TBC1D8: variants seen among roughly 807,000 people sequenced by gnomAD.
The protein encoded by TBC1D8 is BUB2-like protein 1.
Under a neutral mutation model 118.8 loss-of-function variants are expected in TBC1D8, and 65 were observed. The ratio of observed to expected loss-of-function variants is 0.55; its 90% CI spans 0.45 to 0.67. The LOEUF (loss-of-function observed/expected upper bound fraction) is 0.67. Among genes scored for constraint, TBC1D8 ranks in the 30% least tolerant of loss-of-function variants. The pLI is 0.00. For synonymous variants in TBC1D8, 566 were observed against 595.8 expected (o/e 0.95, Z 0.73); for missense variants, 1,376 against 1,471.2 (o/e 0.94, Z 1.06).
In TBC1D8 at chr2:101,057,624, G is replaced by A. The variant is rs560655388; in HGVS notation, c.402+1797C>T. 7.2e-5 allele frequency among the ~76,000 whole-genome samples: 11 copies of A among 152,264 alleles called. No homozygotes were observed. In the East Asian group the frequency reaches 9.7e-4, roughly 13 times the overall value. ...GAGGATTGCTTGAGCCCAGGAGTTC[G>A]ATCAGCTTGGGCAACATAATGAGAC... is the stretch of plus-strand genomic sequence containing the variant. On this transcript the variant is annotated intron_variant, in intron 3 of 19. Coordinates refer to ENST00000409318, the MANE Select transcript of TBC1D8 (RefSeq NM_001330348.2).
At chr2:101,110,979 G>A (rs1677550413) in intron 1 of TBC1D8, among the ~76,000 whole-genome samples, 3 of 60,942 alleles carry the variant, frequency 4.9e-5, no homozygotes, top group East Asian at 4.7e-4. Flanking sequence ...AAACTCCATC[G>A]CAAAAAAAAA....
intron 2 of TBC1D8, among the ~76,000 whole-genome samples, chr2:101,063,713 G>T (rs10496351): frequency 0.085 from 12,940 of 151,964 alleles, 1,562 homozygotes; most frequent in African/African-American, 0.27. Context: ...CTACACTACA[G>T]CAGTTTTTCA....
chr2:101,031,385 C>A (rs1680661092), intron 11 of TBC1D8, among the ~76,000 whole-genome samples: 1 of 152,322 alleles, frequency 6.6e-6, no homozygotes, highest in South Asian at 2.1e-4. Flanking sequence ...TTCCTAGAGG[C>A]CACCCTTCAG....
At chr2:101,042,445 C>T (rs2105402360) in intron 5 of TBC1D8, among the ~76,000 whole-genome samples, 1 of 152,234 alleles carries the variant, frequency 6.6e-6, no homozygotes, top group African/African-American at 2.4e-5. Context: ...TGCTTATGTA[C>T]TCTGTAACCC....
intron 5 of TBC1D8, among the ~76,000 whole-genome samples, chr2:101,043,231 C>G (rs1194457470): frequency 1.3e-5 from 2 of 152,178 alleles, no homozygotes; most frequent in Non-Finnish European, 2.9e-5. Context: ...CAGAGAGGAG[C>G]TGGGAGAACA....
chr2:101,007,239 AG>A lies in TBC1D8; in HGVS notation c.*581del, dbSNP rs1678788590. On this transcript the variant is annotated 3_prime_UTR_variant, in exon 20 of 20. Transcript: ENST00000409318. ...AGAAAAGGACCAAGTAAATACAAAAAGTTTCTTATTAAAAAACTTGGAAGCC... is the reference window on the plus strand; with the variant it reads ...AGAAAAGGACCAAGTAAATACAAAAATTTCTTATTAAAAAACTTGGAAGCC... 1 of 152,266 alleles carries A rather than the reference AG, an allele frequency of 6.6e-6. No individual in the cohort carries two copies. Among genetic ancestry groups the A allele is most frequent in the Admixed American group, 6.5e-5 (1 of 15,304 alleles). The allele number at this position is 152,266 out of a possible 1,614,324, so 9.4% of individuals were successfully genotyped here.
intron 1 of TBC1D8, among the ~76,000 whole-genome samples, chr2:101,149,291 C>A (rs1679448481): frequency 6.6e-6 from 1 of 152,154 alleles, no homozygotes; most frequent in South Asian, 2.1e-4. Context: ...GGAGGGAATT[C>A]ACTGAGTTCA....
At chr2:101,044,121 T>C (rs1330566552) in intron 5 of TBC1D8, among the ~76,000 whole-genome samples, 1 of 152,202 alleles carries the variant, frequency 6.6e-6, no homozygotes, top group African/African-American at 2.4e-5. Context: ...TCACTTTCCC[T>C]GTAGACATCT....
In TBC1D8 at chr2:101,007,243, T is replaced by G. The variant is rs1315606910; in HGVS notation, c.*578A>C. 6.6e-6 allele frequency: 1 copy of G among 152,326 alleles called. No individual in the cohort carries two copies. Among genetic ancestry groups the G allele is most frequent in the Non-Finnish European group, 1.5e-5 (1 of 68,154 alleles). The allele number at this position is 152,326 out of a possible 1,614,324, so 9.4% of individuals were successfully genotyped here. ...AAGGACCAAGTAAATACAAAAAGTT[T>G]CTTATTAAAAAACTTGGAAGCCAAC... On this transcript the variant is annotated 3_prime_UTR_variant, in exon 20 of 20. Coordinates refer to ENST00000409318, the MANE Select transcript of TBC1D8 (RefSeq NM_001330348.2).
chr2:101,025,393 A>AT (rs1391480072), intron 15 of TBC1D8, among the ~76,000 whole-genome samples: 42 of 152,068 alleles, frequency 2.8e-4, no homozygotes, highest in African/African-American at 8.0e-4. Flanking sequence ...CGCCCAGCTA[A>AT]TTTTTGTATT....
In TBC1D8 at chr2:101,033,842, C is replaced by T; in HGVS notation, c.1604-84G>A. ...AGAAGATGCTGGTCCCATCAGGGGA[C>T]CCCAGTGGGGTCTCGTTACTTACTG... is the stretch of plus-strand genomic sequence containing the variant. On this transcript the variant is annotated intron_variant, in intron 9 of 19. Coordinates refer to ENST00000409318, the MANE Select transcript of TBC1D8 (RefSeq NM_001330348.2). 6 of 1,461,492 alleles carry T rather than the reference C, an allele frequency of 4.1e-6. No homozygotes were observed. In the South Asian group the frequency reaches 8.0e-5, roughly 19 times the overall value. The allele number at this position is 1,461,492 out of a possible 1,614,324, so 90.5% of individuals were successfully genotyped here.
At chr2:101,128,054 G>A (rs1678429226) in intron 1 of TBC1D8, among the ~76,000 whole-genome samples, 2 of 152,058 alleles carry the variant, frequency 1.3e-5, no homozygotes, top group Admixed American at 1.3e-4. Flanking sequence ...AAGAAACCAA[G>A]GTCCAAGGTC....
chr2:101,122,646 CT>C (rs566305494), intron 1 of TBC1D8, among the ~76,000 whole-genome samples: 38 of 152,134 alleles, frequency 2.5e-4, no homozygotes, highest in Non-Finnish European at 4.4e-4. Context: ...ACAGCCAGTC[CT>C]TTTGATAGCT....
chr2:101,026,588 A>G (rs1229885507), intron 15 of TBC1D8, among the ~76,000 whole-genome samples: 1 of 152,156 alleles, frequency 6.6e-6, no homozygotes, highest in East Asian at 1.9e-4. Context: ...CAGGAGGGAA[A>G]GGGGCTTGGA....
chr2:101,103,873 T>C (rs893955952), intron 1 of TBC1D8, among the ~76,000 whole-genome samples: 6 of 151,864 alleles, frequency 4.0e-5, no homozygotes, highest in African/African-American at 1.5e-4. Context: ...AAATAAAAGA[T>C]ATATATATAG....
At chr2:101,048,427 C>T (rs963450752) in intron 5 of TBC1D8, among the ~76,000 whole-genome samples, 21 of 152,120 alleles carry the variant, frequency 1.4e-4, no homozygotes, top group Non-Finnish European at 1.8e-4. Flanking sequence ...CAAGCGTGTC[C>T]TTTCACAGGG....
intron 9 of TBC1D8, among the ~76,000 whole-genome samples, chr2:101,035,483 C>G (rs1035236792): frequency 2.0e-5 from 3 of 152,116 alleles, no homozygotes; most frequent in Non-Finnish European, 4.4e-5. Context: ...GGCTCTGAAG[C>G]TAAAAGAGGC....
At position 101,036,036 on chromosome 2, in the gene TBC1D8, G is replaced by A. The variant is rs1350438717; in HGVS notation, c.1585C>T (p.Leu529Phe). 9 of 1,614,006 alleles carry A rather than the reference G, an allele frequency of 5.6e-6. No individual in the cohort carries two copies. The highest frequency in any genetic ancestry group is 7.6e-6 in the Non-Finnish European group (9 of 1,179,890). ...MGIPESLRGR[L>F]WLLFSDAVTD... Reference sequence around the variant, plus strand: ...CGCTTACCTGAGAAGAGAAGCCAGAGTCTCCCTCGCAAAGATTCAGGGATG... The same window carrying A: ...CGCTTACCTGAGAAGAGAAGCCAGAATCTCCCTCGCAAAGATTCAGGGATG... The change falls in exon 9 of 20, where the codon CTC becomes TTC. Residue 529 changes from leucine (L) to phenylalanine (F), a missense_variant. Physicochemically the swap from Leu to Phe is conservative, Grantham distance 22. Coordinates refer to ENST00000409318, the MANE Select transcript of TBC1D8 (RefSeq NM_001330348.2).
rs528364105 is a variant in TBC1D8, at chr2:101,098,082, T to TA, written c.128-7719dup. Among the ~76,000 whole-genome samples, 39 of 152,092 alleles carry TA rather than the reference T, an allele frequency of 2.6e-4. 1 individual carries two copies. The South Asian group carries it at 7.9e-3, about 31-fold the overall frequency. ...AGAGAAGGCAGAAAAAGAAAGGTTT[T>TA]AAAAAAAGAAAGAACAAAGCAATGA... is the stretch of plus-strand genomic sequence containing the variant. On this transcript the variant is annotated intron_variant, in intron 1 of 19. Transcript: ENST00000409318.
Sources: allele counts gnomAD v4.1 joint callset (sites outside exome capture counted in the v4.1 genomes callset), GRCh38; gene constraint gnomAD v4.1.1; transcripts MANE v1.5; gene names NCBI Gene and HGNC (gene_info 2026-07-23, HGNC 2026-07-21).